AARS1: variants seen among roughly 807,000 people sequenced by gnomAD.
The protein encoded by AARS1 is alanine--tRNA ligase, cytoplasmic.
AARS1 carries 72 observed loss-of-function variants against 108.9 expected under a neutral mutation model. The observed-to-expected ratio is 0.66, with a 90% CI of 0.55 to 0.80. AARS1 has a LOEUF of 0.80. AARS1 is among the 30% of genes least tolerant of loss of function. The pLI is 0.00. For missense variants in AARS1, 1,193 were observed against 1,233.2 expected, an observed-to-expected ratio of 0.97 and a Z score of 0.49; for synonymous variants, 489 against 465.7, an observed-to-expected ratio of 1.05 and a Z score of -0.64.
intron 16 of AARS1, among the ~76,000 whole-genome samples, chr16:70,255,146 T>C (rs911881447): frequency 9.9e-5 from 15 of 151,478 alleles, no homozygotes; most frequent in African/African-American, 3.4e-4. Flanking sequence ...AATCTATGTC[T>C]TACCCTCCTC....
At chr16:70,272,499 T>G (rs1597443758) in intron 4 of AARS1, among the ~76,000 whole-genome samples, 1 of 51,724 alleles carries the variant, frequency 1.9e-5, no homozygotes, top group Middle Eastern at 0.022. Flanking sequence ...AGAGCAAAAC[T>G]CCATCTCAAA....
intron 12 of AARS1, chr16:70,261,466 C>T (rs1040326297): frequency 1.9e-5 from 6 of 323,284 alleles, no homozygotes; most frequent in Admixed American, 1.7e-4. Flanking sequence ...GGCGTGAAGG[C>T]AAGTGCCTAT....
At chr16:70,283,494 C>T (rs1306360784) in intron 1 of AARS1, among the ~76,000 whole-genome samples, 2 of 151,922 alleles carry the variant, frequency 1.3e-5, no homozygotes, top group Non-Finnish European at 2.9e-5. Flanking sequence ...CTCAGGAGAC[C>T]GGGGTTTGAG....
At chr16:70,282,889 G>T in intron 1 of AARS1, 105 bp from the exon 2 acceptor site, 1 of 1,146,322 alleles carries the variant, frequency 8.7e-7, no homozygotes, top group Non-Finnish European at 1.3e-6. Flanking sequence ...CACGACTCAG[G>T]TGAGCTGTTT....
Position 70,253,933 on chromosome 16 carries a change from C to G in AARS1, c.2506G>C (p.Asp836His), listed in dbSNP as rs1217292644. 6.2e-7 allele frequency: 1 copy of G among 1,614,092 alleles called. No homozygotes were observed. The highest frequency in any genetic ancestry group is 1.3e-5 in the African/African-American group (1 of 74,942). The stretch of plus-strand genomic sequence containing the variant: ...CCAGGACTCACTCGTTTCTGGACAT[C>G]GGCTTTGCTGGCTCGGTCCAAGTCA... Reference protein sequence around the residue: ...MDDLDRASKADVQKRVLEKTK... With the variant: ...MDDLDRASKAHVQKRVLEKTK... Residue 836 changes from aspartate (D) to histidine (H), a missense_variant, in exon 18 of 21, where the codon GAT (aspartate) becomes CAT (histidine). Asp to His is a moderately conservative substitution (Grantham distance 81). Coordinates refer to ENST00000261772, the MANE Select transcript of AARS1 (RefSeq NM_001605.3).
At chr16:70,256,643 G>C (rs187191447) in intron 15 of AARS1, among the ~76,000 whole-genome samples, 4 of 152,216 alleles carry the variant, frequency 2.6e-5, no homozygotes, top group African/African-American at 7.2e-5. Flanking sequence ...AGTCTAAAGG[G>C]TATGAGCAAA....
rs1362856733 is a variant in AARS1 at position 70,271,946 on chromosome 16, C to T, written c.506G>A (p.Gly169Asp). Residue 169 changes from glycine (G) to aspartate (D), a missense_variant, in exon 5 of 21, where the codon GGC becomes GAC. Transcript: ENST00000261772. ...LGLDDTKILP[G>D]NMKDNFWEMG... ...CTCCCAGAAGTTATCCTTCATGTTG[C>T]CTGGGAGGATTTTGGTGTCATCCAG... 19 of 1,614,012 alleles carry T rather than the reference C, an allele frequency of 1.2e-5. No individual in the cohort carries two copies. Among genetic ancestry groups the T allele is most frequent in the Non-Finnish European group, 1.6e-5 (19 of 1,179,990 alleles).
In AARS1 at chr16:70,272,446, C is replaced by T. The variant is rs976106245; in HGVS notation, c.480-474G>A. Among the ~76,000 whole-genome samples, 4 of 125,000 alleles carry T rather than the reference C, an allele frequency of 3.2e-5. No individual in the cohort carries two copies. The Admixed American group carries it at 3.2e-4, about 10-fold the overall frequency. 82.0% of individuals were successfully genotyped at this position (125,000 alleles called of 152,430 possible). A position where few individuals can be genotyped will look rare whatever the true frequency, so the allele number is the denominator to read the frequency against. ...ACTAGAACCCAGGAGGCAGAGGCTG[C>T]GATGAGCCGGGATCGCGCCATTGCA... On this transcript the variant is annotated intron_variant, in intron 4 of 20. Coordinates refer to ENST00000261772, the MANE Select transcript of AARS1 (RefSeq NM_001605.3).
chr16:70,268,435 T>C, intron 7 of AARS1, 56 bp from the exon 8 acceptor site: 3 of 1,450,980 alleles, frequency 2.1e-6, no homozygotes, highest in Non-Finnish European at 1.9e-6. Context: ...TTGTCTTGAG[T>C]CCCTTGGAAT....
At chr16:70,271,192 A>C (rs77154298) in intron 5 of AARS1, among the ~76,000 whole-genome samples, 10,725 of 151,334 alleles carry the variant, frequency 0.071, 1,256 homozygotes, top group African/African-American at 0.25. Context: ...AAAAACAAAA[A>C]CAAAAACAAA....
At chr16:70,279,329 T>G in intron 2 of AARS1, among the ~76,000 whole-genome samples, 1 of 94,808 alleles carries the variant, frequency 1.1e-5, no homozygotes, top group South Asian at 3.8e-4. Context: ...CCAGCTGGGG[T>G]GACAGGGCAA....
At chr16:70,275,392 G>A (rs903360864) in intron 4 of AARS1, among the ~76,000 whole-genome samples, 4 of 151,984 alleles carry the variant, frequency 2.6e-5, no homozygotes, top group African/African-American at 9.7e-5. Context: ...ACGGCGGGCA[G>A]ATCACGAGGT....
intron 2 of AARS1, among the ~76,000 whole-genome samples, chr16:70,280,627 C>T (rs1960674753): frequency 6.6e-6 from 1 of 152,108 alleles, no homozygotes; most frequent in Non-Finnish European, 1.5e-5. Flanking sequence ...GGGAGCAGGG[C>T]TCCAAGAGAA....
chr16:70,278,490 G>A (rs1185280543), intron 2 of AARS1, among the ~76,000 whole-genome samples: 1 of 151,708 alleles, frequency 6.6e-6, no homozygotes, highest in South Asian at 2.1e-4. Flanking sequence ...ACTTGAACCC[G>A]GGAGGCAGAG....
Position 70,282,703 on chromosome 16 carries a change from T to C in AARS1, c.61A>G (p.Asn21Asp). 1.9e-6 allele frequency: 3 copies of C among 1,614,144 alleles called. No individual in the cohort carries two copies. Among genetic ancestry groups the C allele is most frequent in the Non-Finnish European group, 2.5e-6 (3 of 1,180,030 alleles). ...GACGAGTGAACATACGTATGCTCGT[T>C]CCTCTTGAAGAAATCTATAAATCGC... ...RQRFIDFFKR[N>D]EHTYVHSSAT... is the part of the protein sequence containing the mutation. The change falls in exon 2 of 21, where the codon AAC becomes GAC. Residue 21 changes from asparagine to aspartate, a missense_variant. Asn to Asp is a conservative substitution (Grantham distance 23). Transcript: ENST00000261772.
chr16:70,275,861 C>G lies in AARS1; in HGVS notation c.479+625G>C, dbSNP rs796699287. The stretch of plus-strand genomic sequence containing the variant: ...CTGAGGAAGGAGAATGGCATGAACC[C>G]AGGAAGCAGAGTTTGCAGTGAACTG... On this transcript the variant is annotated intron_variant, in intron 4 of 20. Coordinates refer to ENST00000261772, the MANE Select transcript of AARS1 (RefSeq NM_001605.3). Among the ~76,000 whole-genome samples the G allele has an allele frequency of 7.5e-5, 10 of 133,530 alleles. 1 individual carries two copies. Among genetic ancestry groups the G allele is most frequent in the African/African-American group, 2.9e-4 (10 of 34,886 alleles). 87.6% of individuals were successfully genotyped at this position (133,530 alleles called of 152,430 possible). A position where few individuals can be genotyped will look rare whatever the true frequency, so the allele number is the denominator to read the frequency against.
chr16:70,267,654 C>T lies in AARS1; in HGVS notation c.1222+5G>A. On this transcript the variant is annotated splice_donor_5th_base_variant and intron_variant, in intron 9 of 20. Coordinates refer to ENST00000261772, the MANE Select transcript of AARS1 (RefSeq NM_001605.3). ...GGATGGAGAAGGGCAAAAACTGGTA[C>T]CTACCGGGAATGGTCTTGCTGTCTC... 1 of 1,614,152 alleles carries T rather than the reference C, an allele frequency of 6.2e-7. No individual in the cohort carries two copies.
chr16:70,287,656 T>C (rs1156612114), intron 1 of AARS1, among the ~76,000 whole-genome samples: 1 of 151,358 alleles, frequency 6.6e-6, no homozygotes. Flanking sequence ...GTCCAAAGGG[T>C]CGCTTGAGCA....
Position 70,254,014 on chromosome 16 carries a change from G to T in AARS1, c.2425C>A (p.Gln809Lys). The T allele has an allele frequency of 6.2e-7, 1 of 1,614,098 alleles. No individual in the cohort carries two copies. Among genetic ancestry groups the T allele is most frequent in the Non-Finnish European group, 8.5e-7 (1 of 1,180,020 alleles). ...TCCCGCAATTCATCCTTCTGCCACT[G>T]GGGGATGACTGCAGTGGCCAGGGCC... ...GEALATAVIPQWQKDELRETL... is the reference protein window; with the variant it reads ...GEALATAVIPKWQKDELRETL... Residue 809 changes from glutamine (Q) to lysine (K), a missense_variant, in exon 18 of 21, where the codon CAG becomes AAG. By Grantham distance (53) the Gln-to-Lys change is moderately conservative. Coordinates refer to ENST00000261772, the MANE Select transcript of AARS1 (RefSeq NM_001605.3).
Sources: allele counts gnomAD v4.1 joint callset (sites outside exome capture counted in the v4.1 genomes callset), GRCh38; gene constraint gnomAD v4.1.1; transcripts MANE v1.5; gene names NCBI Gene and HGNC (gene_info 2026-07-23, HGNC 2026-07-21).